IPO11: variants seen among roughly 807,000 people sequenced by gnomAD.
IPO11 encodes the protein importin 11, also known as importin-11.
IPO11 carries 66 observed loss-of-function variants against 143.2 expected under a neutral mutation model. The observed-to-expected ratio is 0.46, with a 90% confidence interval of 0.38 to 0.57. IPO11 has a LOEUF of 0.57. Ranked by LOEUF, IPO11 falls within the 20% of genes least tolerant of loss-of-function variation. The pLI is 0.00. For synonymous variants in IPO11, 385 were observed against 377.8 expected, an observed-to-expected ratio of 1.02 and a Z score of -0.22; for missense variants, 1,026 against 1,141.0, an observed-to-expected ratio of 0.90 and a Z score of 1.45.
At chr5:62,417,146 A>G (rs1234333050) in intron 1 of IPO11, among the ~76,000 whole-genome samples, 1 of 149,726 alleles carries the variant, frequency 6.7e-6, no homozygotes, top group African/African-American at 2.5e-5. Context: ...TTTTTTTAAG[A>G]GACAAGGTCT....
At chr5:62,557,691 A>G (rs1250538470) in intron 26 of IPO11, among the ~76,000 whole-genome samples, 8 of 151,950 alleles carry the variant, frequency 5.3e-5, no homozygotes, top group African/African-American at 1.9e-4. Context: ...TTATATCCAC[A>G]CTTCATTGTG....
Position 62,506,233 on chromosome 5 carries a change from A to G in IPO11, c.1666-8A>G. ...AACCTTTTTTATTTTCTTTCTTTTT[A>G]CCTGCAGTATTTGGAAACCATGTTC... On this transcript the variant is annotated splice_polypyrimidine_tract_variant and splice_region_variant and intron_variant, in intron 18 of 29. Coordinates refer to ENST00000325324, the MANE Select transcript of IPO11 (RefSeq NM_016338.5). 1 of 1,489,824 alleles carries G rather than the reference A, an allele frequency of 6.7e-7. No individual in the cohort carries two copies. Among genetic ancestry groups the G allele is most frequent in the African/African-American group, 1.4e-5 (1 of 72,122 alleles). The allele number at this position is 1,489,824 out of a possible 1,614,324, so 92.3% of individuals were successfully genotyped here.
intron 27 of IPO11, among the ~76,000 whole-genome samples, chr5:62,586,086 G>A (rs1744759771): frequency 6.6e-6 from 1 of 152,140 alleles, no homozygotes; most frequent in Admixed American, 6.6e-5. Context: ...GAGTGAATGA[G>A]AAAGATGCCA....
chr5:62,519,466 G>C (rs2112293732), intron 20 of IPO11, among the ~76,000 whole-genome samples: 1 of 152,170 alleles, frequency 6.6e-6, no homozygotes, highest in East Asian at 1.9e-4. Context: ...ATTACTTCTT[G>C]ACTTCCCTGC....
At chr5:62,436,400 A>C (rs1744237196) in intron 1 of IPO11, among the ~76,000 whole-genome samples, 1 of 152,216 alleles carries the variant, frequency 6.6e-6, no homozygotes. Flanking sequence ...GTACAACGCT[A>C]TTCCCTGTCA....
intron 1 of IPO11, among the ~76,000 whole-genome samples, chr5:62,426,956 A>G (rs1402572411): frequency 3.4e-4 from 9 of 26,502 alleles, no homozygotes; most frequent in South Asian, 1.2e-3. Context: ...TTTTTTTTTG[A>G]TACGGAGTTT....
Position 62,417,673 on chromosome 5 carries a change from A to G in IPO11, c.-7+4744A>G, listed in dbSNP as rs555114399. 4.6e-5 allele frequency among the ~76,000 whole-genome samples: 7 copies of G among 152,282 alleles called. No individual in the cohort carries two copies. The South Asian group carries it at 6.2e-4, about 14-fold the overall frequency. On this transcript the variant is annotated intron_variant, in intron 1 of 29. Transcript: ENST00000325324. ...CGTAGTTTAGGAAATAAGGACTTCA[A>G]TGCACACTCTTCATGAATGGTCTCA...
chr5:62,480,455 G>C (rs535082192), intron 9 of IPO11, among the ~76,000 whole-genome samples: 15 of 152,214 alleles, frequency 9.9e-5, no homozygotes, highest in African/African-American at 3.6e-4. Flanking sequence ...CTTTAAAGTA[G>C]TTTTTTTCCA....
intron 27 of IPO11, chr5:62,581,248 A>G (rs1744548793): frequency 1.9e-6 from 3 of 1,539,008 alleles, no homozygotes; most frequent in Non-Finnish European, 2.6e-6. Flanking sequence ...TCGACTTCAT[A>G]AACAAATTGT....
chr5:62,551,342 A>G lies in IPO11; in HGVS notation c.2460+6A>G, dbSNP rs1561359578. ...CCCATAAATTTAATCAGGAGGTAAG[A>G]ATCAATATACTTAAATTTAAGGAAG... is the stretch of plus-strand genomic sequence containing the variant. On this transcript the variant is annotated splice_donor_region_variant and intron_variant, in intron 26 of 29. Transcript: ENST00000325324. 7 of 1,327,560 alleles carry G rather than the reference A, an allele frequency of 5.3e-6. No homozygotes were observed. The highest frequency in any genetic ancestry group is 7.6e-6 in the Non-Finnish European group (7 of 923,454). The allele number at this position is 1,327,560 out of a possible 1,614,324, so 82.2% of individuals were successfully genotyped here.
chr5:62,413,819 C>T (rs746143722), intron 1 of IPO11, among the ~76,000 whole-genome samples: 18 of 152,170 alleles, frequency 1.2e-4, no homozygotes, highest in Non-Finnish European at 2.6e-4. Flanking sequence ...TTTCAAACTT[C>T]TCTGTTCAGT....
At chr5:62,561,706 G>T (rs1458346138) in intron 27 of IPO11, among the ~76,000 whole-genome samples, 2 of 151,876 alleles carry the variant, frequency 1.3e-5, no homozygotes, top group East Asian at 3.9e-4. Flanking sequence ...TTTGCAAGTT[G>T]TTTTTTTTCT....
At chr5:62,457,036 C>T (rs1035257494) in intron 5 of IPO11, among the ~76,000 whole-genome samples, 4 of 152,246 alleles carry the variant, frequency 2.6e-5, no homozygotes, top group Admixed American at 6.5e-5. Context: ...GCCGAGATCA[C>T]GCCACTGCAC....
intron 26 of IPO11, 54 bp from the exon 27 acceptor site, chr5:62,561,082 C>T: frequency 6.7e-7 from 1 of 1,491,314 alleles, no homozygotes; most frequent in Admixed American, 2.1e-5. Flanking sequence ...AAGTATTTAC[C>T]CACAAGTAAA....
intron 4 of IPO11, among the ~76,000 whole-genome samples, chr5:62,450,351 A>G (rs747144220): frequency 6.6e-6 from 1 of 152,192 alleles, no homozygotes; most frequent in Non-Finnish European, 1.5e-5. Flanking sequence ...CCATAGGGTT[A>G]TAATGGAACT....
At chr5:62,433,696 G>A (rs1744072763) in intron 1 of IPO11, among the ~76,000 whole-genome samples, 1 of 152,154 alleles carries the variant, frequency 6.6e-6, no homozygotes, top group African/African-American at 2.4e-5. Flanking sequence ...ACCTGGATGG[G>A]GCAGATACTG....
intron 22 of IPO11, among the ~76,000 whole-genome samples, chr5:62,534,063 G>A (rs1046341272): frequency 3.9e-5 from 6 of 152,112 alleles, no homozygotes; most frequent in Admixed American, 6.5e-5. Context: ...TTTAGGATGC[G>A]TTAATTAAGT....
intron 1 of IPO11, among the ~76,000 whole-genome samples, chr5:62,429,680 G>A (rs1379372755): frequency 3.3e-5 from 5 of 151,874 alleles, no homozygotes; most frequent in Admixed American, 2.0e-4. Context: ...CTGGAGTGCA[G>A]TGGTGCGATC....
intron 4 of IPO11, among the ~76,000 whole-genome samples, 198 bp from the exon 5 acceptor site, chr5:62,451,532 A>G (rs1744923550): frequency 6.6e-6 from 1 of 152,212 alleles, no homozygotes; most frequent in Admixed American, 6.5e-5. Flanking sequence ...TGGGTAAAGG[A>G]GGACCTCATA....
Sources: gnomAD v4.1 joint callset for allele counts (sites outside exome capture counted in the v4.1 genomes callset) on GRCh38, gnomAD v4.1.1 for gene constraint, MANE v1.5 for transcripts, NCBI Gene and HGNC (gene_info 2026-07-23, HGNC 2026-07-21) for gene names.